EPHA4: variants seen among roughly 807,000 people sequenced by gnomAD.
The protein encoded by EPHA4 is ephrin type-A receptor 4.
Under a neutral mutation model 108.3 loss-of-function variants are expected in EPHA4, and 19 were observed. The ratio of observed to expected loss-of-function variants is 0.18; its 90% CI spans 0.12 to 0.26. EPHA4 has a LOEUF of 0.26. Ranked by LOEUF, EPHA4 falls within the 10% of genes least tolerant of loss-of-function variation. The pLI is 1.00. For synonymous variants in EPHA4, 449 were observed against 455.5 expected (o/e 0.99, Z 0.18); for missense variants, 917 against 1,254.0 (o/e 0.73, Z 4.06).
chr2:221,570,324 C>T (rs988932564), intron 1 of EPHA4, among the ~76,000 whole-genome samples: 1 of 150,392 alleles, frequency 6.6e-6, no homozygotes, highest in African/African-American at 2.4e-5. Context: ...CTCCCCCCCC[C>T]CCAAAAAAAG....
chr2:221,447,292 T>TA (rs2106109768), intron 8 of EPHA4, among the ~76,000 whole-genome samples: 1 of 152,274 alleles, frequency 6.6e-6, no homozygotes, highest in East Asian at 1.9e-4. Flanking sequence ...GCAAGACTCT[T>TA]ACAGAAAAAG....
intron 11 of EPHA4, among the ~76,000 whole-genome samples, chr2:221,437,905 G>A (rs1311284291): frequency 6.6e-6 from 1 of 151,586 alleles, no homozygotes; most frequent in African/African-American, 2.4e-5. Flanking sequence ...CCTGGGGGGC[G>A]ACGATACAGA....
At chr2:221,513,763 T>C (rs1692904312) in intron 3 of EPHA4, among the ~76,000 whole-genome samples, 1 of 152,244 alleles carries the variant, frequency 6.6e-6, no homozygotes, top group Admixed American at 6.5e-5. Context: ...TGGTATTGCA[T>C]GTAGTGGACT....
At chr2:221,543,517 G>T (rs997309221) in intron 3 of EPHA4, among the ~76,000 whole-genome samples, 3 of 152,176 alleles carry the variant, frequency 2.0e-5, no homozygotes, top group African/African-American at 7.2e-5. Flanking sequence ...ATTAATTTGC[G>T]ATTTTTTACT....
intron 4 of EPHA4, among the ~76,000 whole-genome samples, chr2:221,490,776 G>A (rs1692117818): frequency 6.6e-6 from 1 of 152,218 alleles, no homozygotes; most frequent in Non-Finnish European, 1.5e-5. Context: ...TTTTGACTCT[G>A]AAATAAAGCC....
At chr2:221,501,379 G>A (rs1037185133) in intron 3 of EPHA4, 5 of 429,920 alleles carry the variant, frequency 1.2e-5, no homozygotes, top group African/African-American at 6.1e-5. Context: ...CTGGTCAGGT[G>A]TCAAGAAGTC....
chr2:221,436,897 T>G (rs1690258786), intron 12 of EPHA4, among the ~76,000 whole-genome samples, 164 bp downstream of exon 12: 1 of 152,182 alleles, frequency 6.6e-6, no homozygotes, highest in Non-Finnish European at 1.5e-5. Flanking sequence ...TGAACATGGA[T>G]TATTTAATAG....
chr2:221,446,021 T>C lies in EPHA4; in HGVS notation c.1774+102A>G, dbSNP rs937899252. 5.0e-5 allele frequency: 28 copies of C among 556,580 alleles called. No homozygotes were observed. The African/African-American group carries it at 5.5e-4, about 11-fold the overall frequency. 34.5% of individuals were successfully genotyped at this position (556,580 alleles called of 1,614,324 possible). ...GGGATAAGGAATAAATATATTATAT[T>C]ATATAACATTAATAGCCACGTAAAT... On this transcript the variant is annotated intron_variant, in intron 9 of 17. Coordinates refer to ENST00000281821, the MANE Select transcript of EPHA4 (RefSeq NM_004438.5).
intron 3 of EPHA4, among the ~76,000 whole-genome samples, chr2:221,558,018 A>C (rs2106204170): frequency 6.6e-6 from 1 of 152,370 alleles, no homozygotes; most frequent in South Asian, 2.1e-4. Flanking sequence ...CTAGATAGCT[A>C]CCAATAACGA....
rs149118399 is a variant in EPHA4, at chr2:221,570,531, G to A, written c.91+1627C>T. On this transcript the variant is annotated intron_variant, in intron 1 of 17. Transcript: ENST00000281821. Reference sequence around the variant, plus strand: ...AGAACCACCAGAAGCCACGTCGGAAGGAGATGGGAGATCCAGAGGGCGAGA... The same window carrying A: ...AGAACCACCAGAAGCCACGTCGGAAAGAGATGGGAGATCCAGAGGGCGAGA... 1.5e-3 allele frequency among the ~76,000 whole-genome samples: 235 copies of A among 152,238 alleles called. 1 individual carries two copies. The highest frequency in any genetic ancestry group is 2.7e-3 in the Non-Finnish European group (185 of 68,014).
intron 5 of EPHA4, among the ~76,000 whole-genome samples, chr2:221,469,565 C>T (rs1005236752): frequency 6.6e-6 from 1 of 152,140 alleles, no homozygotes; most frequent in Admixed American, 6.5e-5. Flanking sequence ...AATTCCTTGG[C>T]TTTCAATGGA....
chr2:221,487,589 T>C (rs567257195), intron 4 of EPHA4, among the ~76,000 whole-genome samples: 2 of 152,296 alleles, frequency 1.3e-5, no homozygotes, highest in Admixed American at 6.5e-5. Context: ...ACAACAGCTT[T>C]TGCCTTTAAT....
At chr2:221,421,413 G>A (rs1036025) in intron 17 of EPHA4, among the ~76,000 whole-genome samples, 36,567 of 152,188 alleles carry the variant, frequency 0.24, 4,677 homozygotes, top group Middle Eastern at 0.29. Flanking sequence ...AATCTAACAT[G>A]GCGAAAGAGC....
intron 3 of EPHA4, among the ~76,000 whole-genome samples, chr2:221,536,389 T>C (rs1346553805): frequency 6.6e-6 from 1 of 152,214 alleles, no homozygotes; most frequent in Non-Finnish European, 1.5e-5. Context: ...TGTACTAGAA[T>C]GCGAACCTGC....
chr2:221,502,413 C>T (rs919748992), intron 3 of EPHA4: 1 of 442,372 alleles, frequency 2.3e-6, no homozygotes, highest in Non-Finnish European at 4.6e-6. Context: ...TCATCATGTC[C>T]TTAGGACTTG....
chr2:221,551,607 G>A (rs1312213258), intron 3 of EPHA4, among the ~76,000 whole-genome samples: 1 of 152,104 alleles, frequency 6.6e-6, no homozygotes, highest in Non-Finnish European at 1.5e-5. Context: ...TATTGAAAAA[G>A]TTGTAGCTCC....
chr2:221,551,536 T>C (rs1038678309), intron 3 of EPHA4, among the ~76,000 whole-genome samples: 1 of 152,140 alleles, frequency 6.6e-6, no homozygotes, highest in Non-Finnish European at 1.5e-5. Context: ...TTAAAAAGTT[T>C]TAGTACAATT....
At chr2:221,443,110 C>CCA (rs1244774420) in intron 10 of EPHA4, 96 bp from the exon 11 acceptor site, 8 of 1,315,352 alleles carry the variant, frequency 6.1e-6, no homozygotes, top group African/African-American at 1.5e-5. Flanking sequence ...ACACGCCAGG[C>CCA]TGTTTGCTAG....
chr2:221,537,000 A>G (rs995295104), intron 3 of EPHA4, among the ~76,000 whole-genome samples: 2 of 152,270 alleles, frequency 1.3e-5, no homozygotes, highest in African/African-American at 2.4e-5. Context: ...ATTATTTTAA[A>G]TTAATGCCAT....
Sources: allele counts gnomAD v4.1 joint callset (sites outside exome capture counted in the v4.1 genomes callset), GRCh38; gene constraint gnomAD v4.1.1; transcripts MANE v1.5; gene names NCBI Gene and HGNC (gene_info 2026-07-23, HGNC 2026-07-21).